Variants in ZNF423 observed in about 807,000 individuals in gnomAD.
ZNF423 encodes the protein zinc finger protein 423, also known as Ebf-associated zinc finger protein.
In ZNF423, 12 loss-of-function variants were observed where a neutral mutation model predicts 95.8. The ratio of observed to expected loss-of-function variants is 0.13; its 90% CI spans 0.08 to 0.20. ZNF423 has a LOEUF of 0.20. ZNF423 is among the 10% of genes least tolerant of loss of function. The probability of loss-of-function intolerance (pLI) is 1.00; values close to 1 mark genes in which losing one functional copy is unlikely to be tolerated. For missense variants in ZNF423, 1,316 were observed against 1,737.1 expected (o/e 0.76, Z 4.31); for synonymous variants, 749 against 711.9 (o/e 1.05, Z -0.83).
intron 3 of ZNF423, among the ~76,000 whole-genome samples, chr16:49,640,109 C>T (rs1972917382): frequency 6.6e-6 from 1 of 152,142 alleles, no homozygotes; most frequent in African/African-American, 2.4e-5. Context: ...AGGAAATAAA[C>T]CACTGCCCCC....
Position 49,793,290 on chromosome 16 carries a change from C to A in ZNF423, c.41-3744G>T, listed in dbSNP as rs1337734616. On this transcript the variant is annotated intron_variant, in intron 1 of 7. Coordinates refer to ENST00000563137, the MANE Select transcript of ZNF423 (RefSeq NM_001379286.1). The stretch of plus-strand genomic sequence containing the variant: ...TGGGGACAGGTGGCCCCAACCCACA[C>A]TGGCAGCAGGCACTCTCTGGGGGCC... Among the ~76,000 whole-genome samples, 4 of 152,164 alleles carry A rather than the reference C, an allele frequency of 2.6e-5. No individual in the cohort carries two copies. In the South Asian group the frequency reaches 6.2e-4, roughly 24 times the overall value.
chr16:49,709,931 C>A (rs1389399715), intron 3 of ZNF423, among the ~76,000 whole-genome samples: 1 of 152,050 alleles, frequency 6.6e-6, no homozygotes, highest in Non-Finnish European at 1.5e-5. Context: ...GTTATAGCAG[C>A]CAGAGCGGAC....
chr16:49,648,253 A>T (rs2151900183), intron 3 of ZNF423, among the ~76,000 whole-genome samples: 1 of 152,350 alleles, frequency 6.6e-6, no homozygotes, highest in African/African-American at 2.4e-5. Flanking sequence ...TTTCATGGAT[A>T]AACTTGGATA....
intron 5 of ZNF423, among the ~76,000 whole-genome samples, chr16:49,550,369 T>C (rs1433029239): frequency 2.0e-5 from 3 of 152,260 alleles, no homozygotes; most frequent in African/African-American, 7.2e-5. Flanking sequence ...TACTGTTTCC[T>C]CTTTCATTTC....
At chr16:49,564,843 A>G (rs1226102398) in intron 5 of ZNF423, among the ~76,000 whole-genome samples, 2 of 152,294 alleles carry the variant, frequency 1.3e-5, no homozygotes, top group Admixed American at 1.3e-4. Flanking sequence ...GGCCCCAGAA[A>G]TCACAGCTCT....
At chr16:49,574,713 G>T in intron 5 of ZNF423, among the ~76,000 whole-genome samples, 1 of 135,030 alleles carries the variant, frequency 7.4e-6, no homozygotes, top group Non-Finnish European at 1.7e-5. Flanking sequence ...TGCACTCCAG[G>T]TCGTGCATCC....
At chr16:49,812,786 T>C (rs901658062) in intron 1 of ZNF423, among the ~76,000 whole-genome samples, 1 of 152,196 alleles carries the variant, frequency 6.6e-6, no homozygotes, top group Non-Finnish European at 1.5e-5. Context: ...AGGGGCTGTA[T>C]GGTGTACTTC....
intron 5 of ZNF423, among the ~76,000 whole-genome samples, chr16:49,587,716 A>C (rs1970885671): frequency 6.6e-6 from 1 of 152,136 alleles, no homozygotes; most frequent in South Asian, 2.1e-4. Context: ...AAAAGTCATC[A>C]ACTTCTACAA....
chr16:49,662,109 C>G (rs574267412), intron 3 of ZNF423, among the ~76,000 whole-genome samples: 1 of 152,320 alleles, frequency 6.6e-6, no homozygotes, highest in Admixed American at 6.5e-5. Context: ...ACTCCACCCC[C>G]ACTCCCAGGT....
At chr16:49,793,452 C>T (rs768002839) in intron 1 of ZNF423, among the ~76,000 whole-genome samples, 8 of 152,238 alleles carry the variant, frequency 5.3e-5, no homozygotes, top group Non-Finnish European at 1.2e-4. Flanking sequence ...GCTACTTGGC[C>T]GGCCCGCGGC....
At chr16:49,778,432 C>T (rs2034156523) in intron 2 of ZNF423, among the ~76,000 whole-genome samples, 1 of 152,216 alleles carries the variant, frequency 6.6e-6, no homozygotes, top group Non-Finnish European at 1.5e-5. Flanking sequence ...TGGCCCATGG[C>T]CGCACAGTCC....
chr16:49,838,338 T>C (rs2144083154), intron 1 of ZNF423, among the ~76,000 whole-genome samples: 2 of 152,336 alleles, frequency 1.3e-5, no homozygotes, highest in Middle Eastern at 6.8e-3. Context: ...GTGCCTCGGT[T>C]TCCTCCTCTG....
intron 4 of ZNF423, among the ~76,000 whole-genome samples, chr16:49,632,468 C>T (rs1422704279): frequency 6.6e-6 from 1 of 152,086 alleles, no homozygotes; most frequent in African/African-American, 2.4e-5. Flanking sequence ...GGTACCTGGG[C>T]TTTGTTTCTG....
chr16:49,758,607 T>A (rs897477962), intron 2 of ZNF423, among the ~76,000 whole-genome samples: 1 of 152,028 alleles, frequency 6.6e-6, no homozygotes, highest in Admixed American at 6.6e-5. Flanking sequence ...CCAGGCATGG[T>A]GGCATGCACC....
chr16:49,534,991 T>C (rs566609816), intron 5 of ZNF423, among the ~76,000 whole-genome samples: 1 of 152,350 alleles, frequency 6.6e-6, no homozygotes, highest in Non-Finnish European at 1.5e-5. Context: ...ATGGTTCTTC[T>C]TGCTTCTCTC....
At chr16:49,744,517 C>T (rs2033482465) in intron 2 of ZNF423, among the ~76,000 whole-genome samples, 1 of 148,756 alleles carries the variant, frequency 6.7e-6, no homozygotes, top group Non-Finnish European at 1.5e-5. Flanking sequence ...TCCCCACGCT[C>T]AGCACACATG....
intron 7 of ZNF423, among the ~76,000 whole-genome samples, chr16:49,495,751 G>A (rs377727861): frequency 1.9e-3 from 286 of 152,252 alleles, no homozygotes; most frequent in South Asian, 8.3e-3. Flanking sequence ...CTGGTTTTGC[G>A]CGCCCCAGGA....
At chr16:49,837,026 G>T (rs767084900) in intron 1 of ZNF423, among the ~76,000 whole-genome samples, 20 of 152,170 alleles carry the variant, frequency 1.3e-4, no homozygotes, top group Non-Finnish European at 1.9e-4. Flanking sequence ...GACTGTGGAC[G>T]CCGGGACACA....
At chr16:49,686,330 C>T (rs1359530857) in intron 3 of ZNF423, among the ~76,000 whole-genome samples, 2 of 152,126 alleles carry the variant, frequency 1.3e-5, no homozygotes, top group African/African-American at 4.8e-5. Flanking sequence ...TCCTTAGCAT[C>T]ATCCAAAGTG....
Sources: allele counts gnomAD v4.1 joint callset (sites outside exome capture counted in the v4.1 genomes callset), GRCh38; gene constraint gnomAD v4.1.1; transcripts MANE v1.5; gene names NCBI Gene and HGNC (gene_info 2026-07-23, HGNC 2026-07-21).